Variants in TAF6L observed in about 807,000 individuals in gnomAD.
The protein encoded by TAF6L is TAF6-like RNA polymerase II p300/CBP-associated factor-associated factor 65 kDa subunit 6L.
A neutral mutation model predicts 57.3 loss-of-function variants in TAF6L; 34 were observed. That is an observed-to-expected ratio of 0.59 (90% CI 0.45 to 0.79). The LOEUF is 0.79. Ranked by LOEUF, TAF6L falls within the 30% of genes least tolerant of loss-of-function variation. The pLI, the probability that TAF6L is intolerant of heterozygous loss-of-function variation, is 0.00. For missense variants in TAF6L, 782 were observed against 853.2 expected (o/e 0.92, Z 1.04); for synonymous variants, 417 against 376.3 (o/e 1.11, Z -1.25).
At chr11:62,781,777 A>G (rs1590936253) in intron 6 of TAF6L, 117 bp from the exon 7 acceptor site, 1 of 891,000 alleles carries the variant, frequency 1.1e-6, no homozygotes, top group Non-Finnish European at 1.8e-6. Context: ...ATCAAAGAAT[A>G]TGAACATTAA....
intron 6 of TAF6L, among the ~76,000 whole-genome samples, chr11:62,780,498 C>T (rs1590935433): frequency 6.7e-6 from 1 of 149,788 alleles, no homozygotes; most frequent in Non-Finnish European, 1.5e-5. Flanking sequence ...GCAACAAGAA[C>T]AAAACTTCAT....
In TAF6L at chr11:62,787,129, C is replaced by T; in HGVS notation, c.1702C>T (p.Gln568Ter). The change falls in exon 11 of 11, where the codon CAG (glutamine) becomes TAG (stop). Residue 568 changes from glutamine to a stop codon, truncating the protein, a stop_gained. Coordinates refer to ENST00000294168, the MANE Select transcript of TAF6L (RefSeq NM_006473.4). LOFTEE classifies it high-confidence loss of function. Reference sequence around the variant, plus strand: ...CTTTCGTTTCATCATAGCCGGGCGGCAGGCTGGGAGGCGCTGCCGCGGGCG... The same window carrying T: ...CTTTCGTTTCATCATAGCCGGGCGGTAGGCTGGGAGGCGCTGCCGCGGGCG... ...PHFRFIIAGR[Q>*]AGRRCRGRLF... 7 of 1,560,938 alleles carry T rather than the reference C, an allele frequency of 4.5e-6. No homozygotes were observed. Among genetic ancestry groups the T allele is most frequent in the Non-Finnish European group, 6.0e-6 (7 of 1,162,046 alleles).
chr11:62,782,786 C>G lies in TAF6L; in HGVS notation c.921C>G (p.His307Gln). ...LADPVRPLCC[H>Q]YGAVVGLHAL... The stretch of plus-strand genomic sequence containing the variant: ...ATCCTGTGCGGCCGCTCTGCTGCCA[C>G]TATGGAGCCGTGGTGGGGCTGCATG... Residue 307 changes from histidine (H) to glutamine (Q), a missense_variant, in exon 9 of 11, where the codon CAC (histidine) becomes CAG (glutamine). Physicochemically the swap from His to Gln is conservative, Grantham distance 24 (BLOSUM62 0). Coordinates refer to ENST00000294168, the MANE Select transcript of TAF6L (RefSeq NM_006473.4). The G allele has an allele frequency of 6.2e-7, 1 of 1,613,800 alleles. No individual in the cohort carries two copies.
At position 62,775,870 on chromosome 11, in the gene TAF6L, C is replaced by G. The variant is rs754808841; in HGVS notation, c.87C>G (p.Ser29Arg). ...CGGAGAGCACGGGCCTGGAGCTGAGCGATGAGGTGGCGGCGCTGCTCGCAG... is the reference window on the plus strand; with the variant it reads ...CGGAGAGCACGGGCCTGGAGCTGAGGGATGAGGTGGCGGCGCTGCTCGCAG... ...LMAESTGLEL[S>R]DEVAALLAED... The change falls in exon 2 of 11, where the codon AGC (serine) becomes AGG (arginine). Residue 29 changes from serine to arginine, a missense_variant. Coordinates refer to ENST00000294168, the MANE Select transcript of TAF6L (RefSeq NM_006473.4). 6.2e-7 allele frequency: 1 copy of G among 1,613,844 alleles called. No homozygotes were observed. The highest frequency in any genetic ancestry group is 8.5e-7 in the Non-Finnish European group (1 of 1,180,020).
intron 1 of TAF6L, chr11:62,771,733 A>G (rs1197041389): frequency 4.6e-6 from 1 of 218,128 alleles, no homozygotes; most frequent in Non-Finnish European, 9.5e-6. Flanking sequence ...CCTCCTCTCC[A>G]GCGTGACTAG....
chr11:62,775,680 G>A (rs2084180712), intron 1 of TAF6L, 91 bp from the exon 2 acceptor site: 1 of 1,407,700 alleles, frequency 7.1e-7, no homozygotes, highest in Non-Finnish European at 9.5e-7. Flanking sequence ...CAGAGCACGA[G>A]CAGCAAGGCT....
Position 62,778,037 on chromosome 11 carries a change from ACT to A in TAF6L, c.297_298del (p.Tyr100LeufsTer3). On this transcript the variant is annotated frameshift_variant, in exon 4 of 11. Coordinates refer to ENST00000294168, the MANE Select transcript of TAF6L (RefSeq NM_006473.4). LOFTEE classifies it high-confidence loss of function. ...LPMRPAREGE[L>X]YFPEDREVNL... ...CCATGCGCCCCGCCAGGGAGGGTGA[ACT>A]CTACTTTCCTGAGGATCGAGAGGTG... is the stretch of plus-strand genomic sequence containing the variant. The A allele has an allele frequency of 6.2e-7, 1 of 1,614,088 alleles. No homozygotes were observed. Among genetic ancestry groups the A allele is most frequent in the South Asian group, 1.1e-5 (1 of 91,084 alleles).
At position 62,786,700 on chromosome 11, in the gene TAF6L, G is replaced by A. The variant is rs1190552955; in HGVS notation, c.1273G>A (p.Gly425Ser). 6.2e-7 allele frequency: 1 copy of A among 1,612,682 alleles called. No homozygotes were observed. The highest frequency in any genetic ancestry group is 8.5e-7 in the Non-Finnish European group (1 of 1,179,600). Reference protein sequence around the residue: ...FGSGLPLPPGGAGPEDPSLSV... With the variant: ...FGSGLPLPPGSAGPEDPSLSV... ...GTCCGGCCTCCCGCTGCCGCCAGGG[G>A]GCGCGGGGCCGGAGGACCCTTCTCT... The change falls in exon 11 of 11, where the codon GGC (glycine) becomes AGC (serine). Residue 425 changes from glycine to serine, a missense_variant. Physicochemically the swap from Gly to Ser is moderately conservative, Grantham distance 56. Coordinates refer to ENST00000294168, the MANE Select transcript of TAF6L (RefSeq NM_006473.4).
intron 9 of TAF6L, 26 bp from the exon 10 acceptor site, chr11:62,786,234 A>G: frequency 3.8e-6 from 6 of 1,599,134 alleles, no homozygotes; most frequent in Non-Finnish European, 5.1e-6. Flanking sequence ...AAGACATGCT[A>G]ACTGTATTCC....
In TAF6L at chr11:62,787,334, C is replaced by A; in HGVS notation, c.*38C>A. The A allele has an allele frequency of 6.6e-7, 1 of 1,523,926 alleles. No individual in the cohort carries two copies. Among genetic ancestry groups the A allele is most frequent in the Non-Finnish European group, 8.8e-7 (1 of 1,142,456 alleles). The allele number at this position is 1,523,926 out of a possible 1,614,324, so 94.4% of individuals were successfully genotyped here. A position where few individuals can be genotyped will look rare whatever the true frequency, so the allele number is the denominator to read the frequency against. Reference sequence around the variant, plus strand: ...TTCGTTCCTTGTAAATAAATCCCGCCCCCGGAAATGACGTCTCCACCTTCG... The same window carrying A: ...TTCGTTCCTTGTAAATAAATCCCGCACCCGGAAATGACGTCTCCACCTTCG... On this transcript the variant is annotated 3_prime_UTR_variant, in exon 11 of 11. Coordinates refer to ENST00000294168, the MANE Select transcript of TAF6L (RefSeq NM_006473.4).
chr11:62,776,344 T>G, intron 2 of TAF6L, 40 bp from the exon 3 acceptor site: 1 of 1,607,864 alleles, frequency 6.2e-7, no homozygotes, highest in Non-Finnish European at 8.5e-7. Flanking sequence ...GCCCCCTGCT[T>G]CACATCCTTT....
chr11:62,782,440 G>A, intron 8 of TAF6L, 107 bp downstream of exon 8: 1 of 1,282,124 alleles, frequency 7.8e-7, no homozygotes, highest in East Asian at 2.4e-5. Context: ...GAGAAGATGG[G>A]GAACCTTTTC....
intron 1 of TAF6L, among the ~76,000 whole-genome samples, chr11:62,773,911 G>A (rs924011186): frequency 6.6e-6 from 1 of 152,108 alleles, no homozygotes; most frequent in African/African-American, 2.4e-5. Flanking sequence ...AGTTCCAAGT[G>A]GAGGAAGCAG....
chr11:62,771,681 T>TGC, intron 1 of TAF6L, 191 bp downstream of exon 1: 1 of 193,626 alleles, frequency 5.2e-6, no homozygotes, highest in Non-Finnish European at 1.1e-5. Context: ...GGTGGGAGGA[T>TGC]GCGCGTTGCC....
chr11:62,786,414 C>G, intron 10 of TAF6L, 26 bp downstream of exon 10: 3 of 1,607,576 alleles, frequency 1.9e-6, no homozygotes, highest in Non-Finnish European at 2.6e-6. Flanking sequence ...TTCCAGCCTC[C>G]CTTCCCTGCA....
intron 9 of TAF6L, 42 bp downstream of exon 9, chr11:62,782,867 A>C (rs1302544910): frequency 1.9e-6 from 3 of 1,604,188 alleles, no homozygotes; most frequent in Non-Finnish European, 2.6e-6. Flanking sequence ...AAGAACTCCC[A>C]TTTGTGTTAG....
intron 6 of TAF6L, among the ~76,000 whole-genome samples, chr11:62,780,809 C>T (rs1312725974): frequency 1.3e-5 from 2 of 150,330 alleles, no homozygotes; most frequent in Admixed American, 6.7e-5. Flanking sequence ...TGGTGGCATG[C>T]GTCTGTAATC....
intron 9 of TAF6L, among the ~76,000 whole-genome samples, chr11:62,785,409 G>T (rs919754592): frequency 2.0e-5 from 3 of 150,170 alleles, no homozygotes; most frequent in African/African-American, 7.4e-5. Context: ...GCCAGGGCTC[G>T]TCTCGAACTC....
At chr11:62,780,446 G>T (rs1043851200) in intron 6 of TAF6L, among the ~76,000 whole-genome samples, 2 of 152,238 alleles carry the variant, frequency 1.3e-5, no homozygotes, top group South Asian at 4.1e-4. Flanking sequence ...GGGAGGCAGA[G>T]GTTGCTGTGA....
Sources: allele counts gnomAD v4.1 joint callset (sites outside exome capture counted in the v4.1 genomes callset), GRCh38; gene constraint gnomAD v4.1.1; transcripts MANE v1.5; gene names NCBI Gene and HGNC (gene_info 2026-07-23, HGNC 2026-07-21).